The following NAA16 variants were observed in gnomAD, a reference collection of about 807,000 sequenced individuals.
The protein encoded by NAA16 is N-alpha-acetyltransferase 16, NatA auxiliary subunit.
In NAA16, 97 loss-of-function variants were observed where a neutral mutation model predicts 110.3. That is an observed-to-expected ratio of 0.88 (90% confidence interval 0.75 to 1.04). NAA16 has a LOEUF of 1.04. NAA16 is among the 50% of genes least tolerant of loss of function. NAA16 has a pLI of 0.00. For missense variants in NAA16, 1,017 were observed against 1,005.1 expected (o/e 1.01, Z -0.16); for synonymous variants, 372 against 330.6 (o/e 1.13, Z -1.36).
intron 1 of NAA16, among the ~76,000 whole-genome samples, chr13:41,311,996 CT>C (rs1215308912): frequency 6.6e-6 from 1 of 152,224 alleles, no homozygotes; most frequent in African/African-American, 2.4e-5. Context: ...GTTCTGCATT[CT>C]CTGCTTTGCG....
rs1433706627 is a variant in NAA16 at position 41,376,671 on chromosome 13, T to G, written c.*1069T>G. ...GAAATGTTGTTGTTATAGCCATGCA[T>G]TGACCATTAAATGCATTTTAATATC... On this transcript the variant is annotated 3_prime_UTR_variant, in exon 20 of 20. Coordinates refer to ENST00000379406, the MANE Select transcript of NAA16 (RefSeq NM_024561.5). 6.6e-6 allele frequency: 1 copy of G among 152,216 alleles called. No homozygotes were observed. Among genetic ancestry groups the G allele is most frequent in the African/African-American group, 2.4e-5 (1 of 41,460 alleles). 9.4% of individuals were successfully genotyped at this position (152,216 alleles called of 1,614,324 possible).
At chr13:41,324,318 T>A (rs117919087) in intron 5 of NAA16, among the ~76,000 whole-genome samples, 3 of 149,262 alleles carry the variant, frequency 2.0e-5, no homozygotes, top group African/African-American at 7.4e-5. Flanking sequence ...CACAAAATTA[T>A]GACATTTTGA....
intron 1 of NAA16, among the ~76,000 whole-genome samples, chr13:41,315,716 G>A (rs1026793264): frequency 5.3e-5 from 8 of 152,150 alleles, no homozygotes; most frequent in Admixed American, 6.6e-5. Context: ...CATTCTTGCG[G>A]TAGCAAAGGC....
At chr13:41,374,283 C>T (rs2043384722) in intron 18 of NAA16, among the ~76,000 whole-genome samples, 2 of 151,704 alleles carry the variant, frequency 1.3e-5, no homozygotes, top group Admixed American at 1.3e-4. Flanking sequence ...AAACATTTTC[C>T]TGTTTTCCCC....
At chr13:41,344,846 C>T (rs566722405) in intron 9 of NAA16, among the ~76,000 whole-genome samples, 1 of 152,060 alleles carries the variant, frequency 6.6e-6, no homozygotes, top group South Asian at 2.1e-4. Context: ...TTTTGTCATC[C>T]CCCAAAGAGA....
intron 9 of NAA16, among the ~76,000 whole-genome samples, chr13:41,354,147 T>C (rs928570242): frequency 6.6e-6 from 1 of 152,206 alleles, no homozygotes. Context: ...CATTGAACTT[T>C]ACTAGAGATC....
chr13:41,350,629 T>G (rs1319458346), intron 9 of NAA16, among the ~76,000 whole-genome samples: 24 of 104,034 alleles, frequency 2.3e-4, no homozygotes, highest in Admixed American at 8.8e-4. Flanking sequence ...TGTTTGTTTG[T>G]TTTTTTTAAG....
rs753510474 is a variant in NAA16, at chr13:41,311,452, C to T, written c.-77C>T. On this transcript the variant is annotated 5_prime_UTR_variant, in exon 1 of 20. Coordinates refer to ENST00000379406, the MANE Select transcript of NAA16 (RefSeq NM_024561.5). Reference sequence around the variant, plus strand: ...CCCGACTCTCAGCAGCGGTTCGTCCCGGTGCCCACCCCCGCGAAGCGGAGC... The same window carrying T: ...CCCGACTCTCAGCAGCGGTTCGTCCTGGTGCCCACCCCCGCGAAGCGGAGC... 1.3e-3 allele frequency: 1,804 copies of T among 1,417,506 alleles called. 9 individuals carry two copies. The highest frequency in any genetic ancestry group is 6.5e-4 in the Non-Finnish European group (671 of 1,027,626). 87.8% of individuals were successfully genotyped at this position (1,417,506 alleles called of 1,614,324 possible).
chr13:41,334,259 A>T (rs1466213325), intron 8 of NAA16, among the ~76,000 whole-genome samples: 1 of 152,168 alleles, frequency 6.6e-6, no homozygotes, highest in East Asian at 1.9e-4. Context: ...CTTCATACCT[A>T]CAGAACAATA....
chr13:41,374,875 C>CGTTTTGTTAGATCACTGTGTA, intron 19 of NAA16, 36 bp downstream of exon 19: 1 of 1,279,228 alleles, frequency 7.8e-7, no homozygotes, highest in Non-Finnish European at 1.1e-6. Context: ...TATGCTTACA[C>CGTTTTGTTAGATCACTGTGTA]AGTGATCTAA....
At chr13:41,312,360 T>G (rs902085543) in intron 1 of NAA16, among the ~76,000 whole-genome samples, 5 of 152,160 alleles carry the variant, frequency 3.3e-5, no homozygotes, top group African/African-American at 9.7e-5. Context: ...AATGGCCCCG[T>G]AGTGATGACC....
At chr13:41,361,918 G>T in intron 12 of NAA16, 113 bp from the exon 13 acceptor site, 1 of 1,103,504 alleles carries the variant, frequency 9.1e-7, no homozygotes. Flanking sequence ...TGATATATTT[G>T]CTAATTGCTG....
chr13:41,352,865 A>T (rs950509820), intron 9 of NAA16, among the ~76,000 whole-genome samples: 8 of 152,114 alleles, frequency 5.3e-5, no homozygotes, highest in African/African-American at 1.9e-4. Context: ...TTTATGAAGG[A>T]TTATATGTAA....
intron 1 of NAA16, among the ~76,000 whole-genome samples, chr13:41,311,937 C>G (rs1173209027): frequency 1.3e-5 from 2 of 152,250 alleles, no homozygotes; most frequent in East Asian, 1.9e-4. Context: ...CTCAGGGATC[C>G]TCCCCCGGTG....
At chr13:41,358,172 A>G in intron 10 of NAA16, 132 bp from the exon 11 acceptor site, 2 of 756,342 alleles carry the variant, frequency 2.6e-6, no homozygotes, top group Non-Finnish European at 4.2e-6. Flanking sequence ...TTCTTTTGAA[A>G]TTAGTAGTTT....
chr13:41,319,451 G>A (rs915855531), intron 3 of NAA16, among the ~76,000 whole-genome samples: 2 of 152,090 alleles, frequency 1.3e-5, no homozygotes, highest in African/African-American at 4.8e-5. Context: ...AGACATAGCT[G>A]TTACTTAATT....
chr13:41,373,939 A>G (rs1312478740), intron 18 of NAA16, 159 bp downstream of exon 18: 2 of 1,195,122 alleles, frequency 1.7e-6, no homozygotes, highest in East Asian at 3.2e-5. Context: ...TAGGGGAAAC[A>G]GGGATGGATT....
intron 6 of NAA16, among the ~76,000 whole-genome samples, chr13:41,326,776 CAG>C (rs1566251697): frequency 1.3e-5 from 2 of 152,226 alleles, no homozygotes; most frequent in East Asian, 1.9e-4. Context: ...GAAAAAGGTG[CAG>C]AGAGTTCCCA....
chr13:41,337,446 G>A (rs1010640881), intron 9 of NAA16, among the ~76,000 whole-genome samples: 25 of 151,876 alleles, frequency 1.6e-4, no homozygotes, highest in Non-Finnish European at 3.5e-4. Flanking sequence ...GGAAGCTTGA[G>A]GCAGGAGAAT....
Sources: allele counts gnomAD v4.1 joint callset (sites outside exome capture counted in the v4.1 genomes callset), GRCh38; gene constraint gnomAD v4.1.1; transcripts MANE v1.5; gene names NCBI Gene and HGNC (gene_info 2026-07-23, HGNC 2026-07-21).